The following SETD5 variants were observed in gnomAD, a reference collection of about 807,000 sequenced individuals.
SETD5 encodes histone-lysine N-methyltransferase SETD5.
SETD5 carries 44 observed loss-of-function variants against 153.3 expected under a neutral mutation model. That is an observed-to-expected ratio of 0.29 (90% confidence interval 0.23 to 0.37). SETD5 has a LOEUF of 0.37. Ranked by LOEUF, SETD5 falls within the 10% of genes least tolerant of loss-of-function variation. The pLI, the probability that SETD5 is intolerant of heterozygous loss-of-function variation, is 1.00. For synonymous variants in SETD5, 716 were observed against 645.2 expected (o/e 1.11, Z -1.66); for missense variants, 1,544 against 1,768.0 (o/e 0.87, Z 2.27).
At chr3:9,449,568 G>C (rs2042392275) in intron 16 of SETD5, 1 of 152,154 alleles carries the variant, frequency 6.6e-6, no homozygotes, top group South Asian at 2.1e-4. Context: ...TAGATTATTT[G>C]ATGTGATGAA....
rs2045179016 is a variant in SETD5, at chr3:9,470,476, C to A, written c.2742C>A (p.Asp914Glu). Residue 914 changes from aspartate (D) to glutamate (E), a missense_variant, in exon 19 of 23, where the codon GAC becomes GAA. Around this residue, in one of 9 missense-constraint regions of SETD5, gnomAD observed 782 missense variants for 787.2 expected, o/e 0.99. Transcript: ENST00000402198. ...PLQFELCHRK[D>E]LDLAKVGYLD... ...TCTTTCAGCTTTGTCACCGAAAAGACCTGGATTTGGCAAAAGTAGGATACC... is the reference window on the plus strand; with the variant it reads ...TCTTTCAGCTTTGTCACCGAAAAGAACTGGATTTGGCAAAAGTAGGATACC... 1 of 1,611,040 alleles carries A rather than the reference C, an allele frequency of 6.2e-7. No individual in the cohort carries two copies. Among genetic ancestry groups the A allele is most frequent in the Non-Finnish European group, 8.5e-7 (1 of 1,177,728 alleles).
chr3:9,431,471 T>C (rs1431839340), intron 3 of SETD5: 1 of 943,488 alleles, frequency 1.1e-6, no homozygotes, highest in Non-Finnish European at 1.3e-6. Context: ...ATATAAAAAC[T>C]AGTATATATA....
Position 9,475,941 on chromosome 3 carries a change from T to A in SETD5, c.4179T>A (p.Ser1393Arg). ...PSDLRTISLP[S>R]AGQSAVYQAS... ...ACTTACGGACTATCAGTCTGCCCAGTGCTGGGCAGTCAGCTGTCTACCAGG... is the reference window on the plus strand; with the variant it reads ...ACTTACGGACTATCAGTCTGCCCAGAGCTGGGCAGTCAGCTGTCTACCAGG... The change falls in exon 23 of 23, where the codon AGT becomes AGA. Residue 1393 changes from serine (S) to arginine (R), a missense_variant. Coordinates refer to ENST00000402198, the MANE Select transcript of SETD5 (RefSeq NM_001080517.3). 2 of 1,614,020 alleles carry A rather than the reference T, an allele frequency of 1.2e-6. No individual in the cohort carries two copies. The highest frequency in any genetic ancestry group is 1.7e-6 in the Non-Finnish European group (2 of 1,179,898).
chr3:9,419,415 A>G (rs1245291856), intron 1 of SETD5, among the ~76,000 whole-genome samples: 1 of 152,178 alleles, frequency 6.6e-6, no homozygotes, highest in Non-Finnish European at 1.5e-5. Context: ...CTTAATAAAA[A>G]CAAGGCTGGG....
chr3:9,468,019 C>T (rs753364594), intron 18 of SETD5, among the ~76,000 whole-genome samples: 2 of 151,148 alleles, frequency 1.3e-5, no homozygotes, highest in Non-Finnish European at 2.9e-5. Flanking sequence ...CCATGTCAGC[C>T]CCCAGCACAC....
At chr3:9,426,984 G>A (rs1176155619) in intron 2 of SETD5, among the ~76,000 whole-genome samples, 1 of 152,118 alleles carries the variant, frequency 6.6e-6, no homozygotes, top group African/African-American at 2.4e-5. Flanking sequence ...CTGTGCTCAG[G>A]TGATCCTCCC....
intron 16 of SETD5, among the ~76,000 whole-genome samples, chr3:9,450,330 T>A (rs1051206967): frequency 6.6e-6 from 1 of 152,220 alleles, no homozygotes; most frequent in Non-Finnish European, 1.5e-5. Flanking sequence ...CTTTTATCTA[T>A]GTGTCATGGT....
intron 1 of SETD5, among the ~76,000 whole-genome samples, chr3:9,411,972 GA>G: frequency 6.6e-6 from 1 of 152,206 alleles, no homozygotes; most frequent in Non-Finnish European, 1.5e-5. Context: ...AAGTTTTAAG[GA>G]AGTAAGTCTC....
chr3:9,474,019 G>T (rs1046017740), intron 20 of SETD5, among the ~76,000 whole-genome samples: 1 of 152,222 alleles, frequency 6.6e-6, no homozygotes, highest in Non-Finnish European at 1.5e-5. Context: ...AGGATCAAAT[G>T]TGTGAAATAG....
chr3:9,403,439 G>T (rs2035150938), intron 1 of SETD5, among the ~76,000 whole-genome samples: 2 of 152,074 alleles, frequency 1.3e-5, no homozygotes, highest in African/African-American at 4.8e-5. Context: ...ATTTGGGTTG[G>T]GATTGGACCT....
At chr3:9,436,927 C>T in intron 7 of SETD5, 1 of 1,539,872 alleles carries the variant, frequency 6.5e-7, no homozygotes, top group Non-Finnish European at 8.8e-7. Context: ...TTTTACTTCA[C>T]TGTGATCTTG....
chr3:9,459,561 G>C (rs2043676773), intron 17 of SETD5, among the ~76,000 whole-genome samples: 2 of 151,314 alleles, frequency 1.3e-5, no homozygotes, highest in Non-Finnish European at 2.9e-5. Context: ...ACGAGGTCAG[G>C]AGATCCAGAC....
chr3:9,473,024 AC>A (rs1247524120), intron 19 of SETD5, among the ~76,000 whole-genome samples: 4 of 152,122 alleles, frequency 2.6e-5, no homozygotes, highest in Non-Finnish European at 5.9e-5. Context: ...TCTTCCTCTT[AC>A]CAATTTCCAG....
At chr3:9,428,468 A>G (rs373755824) in intron 2 of SETD5, among the ~76,000 whole-genome samples, 13 of 152,240 alleles carry the variant, frequency 8.5e-5, no homozygotes, top group African/African-American at 2.4e-4. Flanking sequence ...GATATTTTTA[A>G]TAACCATCCT....
chr3:9,464,402 C>T, intron 17 of SETD5, 23 bp from the exon 18 acceptor site: 1 of 1,597,768 alleles, frequency 6.3e-7, no homozygotes, highest in Non-Finnish European at 8.6e-7. Context: ...TTCAAACTCT[C>T]ATCCAAGCTT....
rs1300991031 is a variant in SETD5, at chr3:9,424,521, A to G, written c.-122A>G. ...GGGGACTTCATATTCAGAAGTCTAT[A>G]TAAAGGTGACTGACCCAAGTAAATC... On this transcript the variant is annotated 5_prime_UTR_variant, in exon 2 of 23. It adds an upstream start codon to the 5' untranslated region. Transcript: ENST00000402198. 1 of 152,242 alleles carries G rather than the reference A, an allele frequency of 6.6e-6. No homozygotes were observed. Among genetic ancestry groups the G allele is most frequent in the African/African-American group, 2.4e-5 (1 of 41,460 alleles). The allele number at this position is 152,242 out of a possible 1,614,324, so 9.4% of individuals were successfully genotyped here.
rs557342804 is a variant in SETD5, at chr3:9,470,556, A to G, written c.2822A>G (p.His941Arg). 3.7e-6 allele frequency: 6 copies of G among 1,614,028 alleles called. No homozygotes were observed. The highest frequency in any genetic ancestry group is 2.2e-5 in the South Asian group (2 of 91,086). Residue 941 changes from histidine to arginine, a missense_variant, in exon 19 of 23, where the codon CAT becomes CGT. Around this residue, in one of 9 missense-constraint regions of SETD5, gnomAD observed 782 missense variants for 787.2 expected, o/e 0.99. Transcript: ENST00000402198. ...ADRPSLLNSG[H>R]SDLAPHPSLG... ...AGACCTTCCCTACTCAACTCAGGTC[A>G]TTCTGACCTGGCTCCTCATCCCTCC...
chr3:9,409,249 G>T (rs981811129), intron 1 of SETD5, among the ~76,000 whole-genome samples: 5 of 151,894 alleles, frequency 3.3e-5, no homozygotes, highest in African/African-American at 1.2e-4. Context: ...TTTATTGTCC[G>T]GAATACTCAC....
chr3:9,440,600 C>T lies in SETD5; in HGVS notation c.712C>T (p.His238Tyr), dbSNP rs1382287928. 1.2e-6 allele frequency: 2 copies of T among 1,613,866 alleles called. No individual in the cohort carries two copies. The highest frequency in any genetic ancestry group is 2.2e-5 in the East Asian group (1 of 44,902). Residue 238 changes from histidine (H) to tyrosine (Y), a missense_variant, in exon 8 of 23, where the codon CAT (histidine) becomes TAT (tyrosine). Physicochemically the swap from His to Tyr is moderately conservative, Grantham distance 83. Coordinates refer to ENST00000402198, the MANE Select transcript of SETD5 (RefSeq NM_001080517.3). ...ACAGAACGCGCTTGAACAACACCTA[C>T]ATTCTAGCAAGGAATTTGTGGGCAA... is the stretch of plus-strand genomic sequence containing the variant. ...DVQNALEQHL[H>Y]SSKEFVGKPT...
Sources: allele counts gnomAD v4.1 joint callset (sites outside exome capture counted in the v4.1 genomes callset), GRCh38; gene constraint gnomAD v4.1.1; regional missense constraint gnomAD v4.1.1; transcripts MANE v1.5; gene names NCBI Gene and HGNC (gene_info 2026-07-23, HGNC 2026-07-21).